ZNF565: variants seen among roughly 807,000 people sequenced by gnomAD.
ZNF565 encodes zinc finger protein 565.
Under a neutral mutation model 39.4 loss-of-function variants are expected in ZNF565, and 27 were observed. The observed-to-expected ratio is 0.69, with a 90% CI of 0.51 to 0.95. The LOEUF (loss-of-function observed/expected upper bound fraction) is 0.95. Ranked by LOEUF, ZNF565 falls within the 40% of genes least tolerant of loss-of-function variation. ZNF565 has a pLI of 0.00. For missense variants in ZNF565, 524 were observed against 621.1 expected (o/e 0.84, Z 1.66); for synonymous variants, 185 against 216.6 (o/e 0.85, Z 1.28).
chr19:36,188,706 C>A, intron 4 of ZNF565, among the ~76,000 whole-genome samples: 2 of 134,948 alleles, frequency 1.5e-5, no homozygotes, highest in Non-Finnish European at 1.6e-5. Flanking sequence ...AGTGAGACTC[C>A]GTCTCAAAAA....
chr19:36,193,063 T>G (rs1975620958), intron 4 of ZNF565, among the ~76,000 whole-genome samples: 1 of 152,116 alleles, frequency 6.6e-6, no homozygotes, highest in African/African-American at 2.4e-5. Flanking sequence ...TGGTGTGATC[T>G]TGGCTCACTG....
At chr19:36,229,409 A>G (rs1977224964) in intron 1 of ZNF565, among the ~76,000 whole-genome samples, 1 of 152,086 alleles carries the variant, frequency 6.6e-6, no homozygotes, top group Admixed American at 6.6e-5. Context: ...GTATGGCACA[A>G]TTACAGCTCA....
chr19:36,189,997 C>A (rs1367244074), intron 4 of ZNF565, among the ~76,000 whole-genome samples: 4 of 151,546 alleles, frequency 2.6e-5, no homozygotes, highest in South Asian at 2.1e-4. Flanking sequence ...CCACACATGG[C>A]TAATTTTTGT....
chr19:36,227,645 C>T (rs956744860), intron 1 of ZNF565, among the ~76,000 whole-genome samples: 7 of 152,118 alleles, frequency 4.6e-5, no homozygotes, highest in Admixed American at 2.6e-4. Context: ...ATCTTGAACT[C>T]CTGGGCTCAA....
intron 2 of ZNF565, among the ~76,000 whole-genome samples, chr19:36,198,442 C>A (rs933112980): frequency 5.3e-5 from 8 of 152,036 alleles, no homozygotes; most frequent in Non-Finnish European, 1.0e-4. Flanking sequence ...CAATTCAACT[C>A]ATGGTCATAG....
chr19:36,221,114 G>C (rs1295503379), intron 1 of ZNF565, among the ~76,000 whole-genome samples: 2 of 151,950 alleles, frequency 1.3e-5, no homozygotes, highest in African/African-American at 4.8e-5. Flanking sequence ...CCAAAGTGCT[G>C]GGATTTCAGG....
chr19:36,213,245 C>T (rs1976433546), intron 1 of ZNF565: 1 of 152,390 alleles, frequency 6.6e-6, no homozygotes, highest in Non-Finnish European at 1.5e-5. Context: ...GGGTCTCGCT[C>T]TGTCACCTAG....
At chr19:36,233,254 C>T (rs1302052457) in intron 1 of ZNF565, among the ~76,000 whole-genome samples, 3 of 152,084 alleles carry the variant, frequency 2.0e-5, no homozygotes. Context: ...TGATGCATGC[C>T]TGTAATCCCA....
intron 1 of ZNF565, among the ~76,000 whole-genome samples, chr19:36,231,332 C>T (rs964432622): frequency 3.9e-5 from 6 of 152,160 alleles, no homozygotes; most frequent in South Asian, 2.1e-4. Context: ...GCCTCAGCCT[C>T]CTGAGTAGCT....
Position 36,189,442 on chromosome 19 carries a change from G to A in ZNF565, c.232+4791C>T, listed in dbSNP as rs112050622. 7.4e-3 allele frequency among the ~76,000 whole-genome samples: 1,128 copies of A among 151,574 alleles called. 9 individuals are homozygous for A. The highest frequency in any genetic ancestry group is 0.012 in the Non-Finnish European group (835 of 67,870). On this transcript the variant is annotated intron_variant, in intron 4 of 4. Transcript: ENST00000304116. ...CAATTTTCCTGCCTCAGCCTCCCAA[G>A]TAGCTGGGATTACAGGCATGTGCCA...
chr19:36,240,622 ACT>A (rs1206804213), intron 1 of ZNF565, among the ~76,000 whole-genome samples: 2 of 151,966 alleles, frequency 1.3e-5, no homozygotes, highest in East Asian at 3.9e-4. Flanking sequence ...TAATCTCAGC[ACT>A]CTGGGAGGCC....
At chr19:36,205,436 G>C (rs1976117306) in intron 1 of ZNF565, among the ~76,000 whole-genome samples, 1 of 152,062 alleles carries the variant, frequency 6.6e-6, no homozygotes, top group Admixed American at 6.6e-5. Flanking sequence ...TTGAGGCAGG[G>C]AGAATTGCTT....
At position 36,182,749 on chromosome 19, in the gene ZNF565, A is replaced by T; in HGVS notation, c.1217T>A (p.Leu406His). 1 of 1,614,074 alleles carries T rather than the reference A, an allele frequency of 6.2e-7. No homozygotes were observed. The highest frequency in any genetic ancestry group is 8.5e-7 in the Non-Finnish European group (1 of 1,180,010). ...CGKAFSRSSY[L>H]IQHQRIHTGD... ...TGTATGAATTCTTTGATGTTGAATG[A>T]GGTATGAGCTACGACTAAATGCCTT... Residue 406 changes from leucine to histidine, a missense_variant, in exon 5 of 5, where the codon CTC (leucine) becomes CAC (histidine). Leu to His is a moderately conservative substitution (Grantham distance 99). Transcript: ENST00000304116.
chr19:36,221,173 T>C (rs938996386), intron 1 of ZNF565, among the ~76,000 whole-genome samples: 2 of 152,116 alleles, frequency 1.3e-5, no homozygotes, highest in African/African-American at 4.8e-5. Context: ...TAAAGATGTA[T>C]GTAGTCAAAG....
intron 4 of ZNF565, among the ~76,000 whole-genome samples, chr19:36,186,289 A>C (rs990257055): frequency 2.6e-5 from 4 of 152,174 alleles, no homozygotes; most frequent in Non-Finnish European, 5.9e-5. Context: ...GTCAGCCACC[A>C]TGCCCGGCAA....
Position 36,182,991 on chromosome 19 carries a change from G to C in ZNF565, c.975C>G (p.His325Gln), listed in dbSNP as rs1195001382. Residue 325 changes from histidine to glutamine, a missense_variant, in exon 5 of 5, where the codon CAC becomes CAG. By Grantham distance (24) the His-to-Gln change is conservative (BLOSUM62 0). Transcript: ENST00000304116. ...AFRQHSQLTV[H>Q]QRIHTGEKPY... ...GTTTCTCACCAGTGTGGATTCGCTG[G>C]TGTACAGTCAGCTGTGAGTGCTGTC... The C allele has an allele frequency of 6.2e-7, 1 of 1,613,904 alleles. No individual in the cohort carries two copies. The highest frequency in any genetic ancestry group is 8.5e-7 in the Non-Finnish European group (1 of 1,179,976).
intron 1 of ZNF565, among the ~76,000 whole-genome samples, chr19:36,242,297 C>T (rs1466546456): frequency 6.6e-6 from 1 of 151,884 alleles, no homozygotes; most frequent in South Asian, 2.1e-4. Flanking sequence ...GTAGTCTCAG[C>T]TACTTGGGAG....
intron 1 of ZNF565, among the ~76,000 whole-genome samples, chr19:36,205,120 G>A (rs905551145): frequency 1.3e-5 from 2 of 152,152 alleles, no homozygotes; most frequent in Non-Finnish European, 2.9e-5. Flanking sequence ...ATAAATACAG[G>A]CTGATGCATA....
chr19:36,221,800 T>G (rs1976851701), intron 1 of ZNF565, among the ~76,000 whole-genome samples: 1 of 152,032 alleles, frequency 6.6e-6, no homozygotes, highest in South Asian at 2.1e-4. Context: ...TCTGTCACTA[T>G]TATATATTTC....
Sources: allele counts gnomAD v4.1 joint callset (sites outside exome capture counted in the v4.1 genomes callset), GRCh38; gene constraint gnomAD v4.1.1; transcripts MANE v1.5; gene names NCBI Gene and HGNC (gene_info 2026-07-23, HGNC 2026-07-21).